Variants in PDE8B observed in about 807,000 individuals in gnomAD.
PDE8B encodes the protein phosphodiesterase 8B, also known as high affinity cAMP-specific and IBMX-insensitive 3',5'-cyclic phosphodiesterase 8B.
Under a neutral mutation model 101.3 loss-of-function variants are expected in PDE8B, and 26 were observed. The ratio of observed to expected loss-of-function variants is 0.26; its 90% CI spans 0.19 to 0.36. The LOEUF (loss-of-function observed/expected upper bound fraction) is 0.36. Ranked by LOEUF, PDE8B falls within the 10% of genes least tolerant of loss-of-function variation. The probability of loss-of-function intolerance (pLI) is 1.00; values close to 1 mark genes in which losing one functional copy is unlikely to be tolerated. For missense variants in PDE8B, 810 were observed against 1,163.1 expected (o/e 0.70, Z 4.42); for synonymous variants, 424 against 429.3 (o/e 0.99, Z 0.15).
chr5:77,305,448 C>A (rs1770980961), intron 1 of PDE8B, among the ~76,000 whole-genome samples: 1 of 152,144 alleles, frequency 6.6e-6, no homozygotes, highest in Non-Finnish European at 1.5e-5. Flanking sequence ...CAGCGCCAGC[C>A]AGCAGGGCCC....
intron 20 of PDE8B, among the ~76,000 whole-genome samples, chr5:77,424,812 T>A (rs565703196): frequency 9.3e-6 from 1 of 107,298 alleles, no homozygotes. Flanking sequence ...ACTGGTTCTG[T>A]TTTTTTGTTT....
chr5:77,145,939 T>G, the PDE8B span: 1 of 152,212 alleles, frequency 6.6e-6, no homozygotes, highest in African/African-American at 2.4e-5. Flanking sequence ...CCTTGAAATC[T>G]AATCAAAGAA....
At chr5:77,094,414 A>G in the PDE8B span, among the ~76,000 whole-genome samples, 34,998 of 151,908 alleles carry the variant, frequency 0.23, 4,623 homozygotes, top group Admixed American at 0.35. Context: ...GGTTCAAGCA[A>G]TCCTCCCACT....
intron 1 of PDE8B, among the ~76,000 whole-genome samples, chr5:77,267,020 G>T (rs1167122893): frequency 6.6e-6 from 1 of 152,140 alleles, no homozygotes; most frequent in Admixed American, 6.5e-5. Context: ...GTTAACAATA[G>T]AATTTGATTC....
At chr5:77,375,985 C>T (rs1786051338) in intron 10 of PDE8B, among the ~76,000 whole-genome samples, 1 of 150,882 alleles carries the variant, frequency 6.6e-6, no homozygotes, top group Admixed American at 6.6e-5. Flanking sequence ...CTCCGCCTCC[C>T]AGGTTCAAGC....
chr5:77,378,942 T>C (rs1786899793), intron 10 of PDE8B, among the ~76,000 whole-genome samples: 1 of 152,256 alleles, frequency 6.6e-6, no homozygotes, highest in Non-Finnish European at 1.5e-5. Flanking sequence ...TGGTGGTTCT[T>C]ACATTGTAGA....
chr5:77,403,499 A>G (rs1043768163), intron 11 of PDE8B, among the ~76,000 whole-genome samples: 1 of 152,178 alleles, frequency 6.6e-6, no homozygotes, highest in Non-Finnish European at 1.5e-5. Context: ...AAGTTTCATT[A>G]GTATTATATT....
At chr5:77,371,370 T>C (rs1785059460) in intron 10 of PDE8B, among the ~76,000 whole-genome samples, 1 of 152,224 alleles carries the variant, frequency 6.6e-6, no homozygotes, top group South Asian at 2.1e-4. Flanking sequence ...AAAGACTTTC[T>C]TTTCTTCATT....
At chr5:77,215,634 T>A (rs1238045564) in intron 1 of PDE8B, among the ~76,000 whole-genome samples, 1 of 152,164 alleles carries the variant, frequency 6.6e-6, no homozygotes, top group Non-Finnish European at 1.5e-5. Context: ...TGAAATCCTG[T>A]TTTGGTGACC....
At chr5:77,250,139 G>C (rs1172967975) in intron 1 of PDE8B, among the ~76,000 whole-genome samples, 4 of 152,196 alleles carry the variant, frequency 2.6e-5, no homozygotes, top group African/African-American at 4.8e-5. Context: ...TTTATTGCAT[G>C]CTTACTCCAT....
intron 10 of PDE8B, among the ~76,000 whole-genome samples, chr5:77,392,126 A>G (rs1790072267): frequency 6.6e-6 from 1 of 152,192 alleles, no homozygotes; most frequent in East Asian, 1.9e-4. Flanking sequence ...TGTTTCCATA[A>G]TTATGTGGAA....
the PDE8B span, among the ~76,000 whole-genome samples, chr5:77,195,316 C>G: frequency 6.6e-6 from 1 of 152,208 alleles, no homozygotes. Context: ...TTAGGCCCCC[C>G]GCCAATACAG....
Position 77,331,473 on chromosome 5 carries a change from A to G in PDE8B, c.708+14A>G. 6.2e-7 allele frequency: 1 copy of G among 1,604,032 alleles called. No homozygotes were observed. Among genetic ancestry groups the G allele is most frequent in the South Asian group, 1.1e-5 (1 of 90,902 alleles). On this transcript the variant is annotated intron_variant, in intron 5 of 21. Coordinates refer to ENST00000264917, the MANE Select transcript of PDE8B (RefSeq NM_003719.5). ...GGCTTCAACAGGGTATGTACAAGAT[A>G]TCCAGCATCTCTCTCAGTTGCAGGC... is the stretch of plus-strand genomic sequence containing the variant.
chr5:77,173,224 T>C, the PDE8B span, among the ~76,000 whole-genome samples: 1 of 152,210 alleles, frequency 6.6e-6, no homozygotes, highest in African/African-American at 2.4e-5. Flanking sequence ...ATCTGACTGC[T>C]GAATATTTTG....
At chr5:77,424,828 TTTTTG>T (rs1797623778) in intron 20 of PDE8B, among the ~76,000 whole-genome samples, 11 of 129,608 alleles carry the variant, frequency 8.5e-5, no homozygotes, top group South Asian at 2.3e-4. Flanking sequence ...TGTTTTTTGT[TTTTTG>T]TTTTTAATGT....
the PDE8B span, chr5:77,105,742 T>C: frequency 6.6e-6 from 1 of 152,234 alleles, no homozygotes. Context: ...TCCAAAGTAA[T>C]AGTAACATTT....
In PDE8B at chr5:77,353,547, T is replaced by G. The variant is rs144461579; in HGVS notation, c.1167+141T>G. On this transcript the variant is annotated intron_variant, in intron 10 of 21. Transcript: ENST00000264917. ...CAATTAAGCAGATTTATGGGAAAATTTGGTTCCTCTGACAAATCTTTTTAT... is the reference window on the plus strand; with the variant it reads ...CAATTAAGCAGATTTATGGGAAAATGTGGTTCCTCTGACAAATCTTTTTAT... 1,519 of 697,220 alleles carry G rather than the reference T, an allele frequency of 2.2e-3. 15 individuals carry two copies. In the African/African-American group the frequency reaches 0.023, roughly 11 times the overall value. 43.2% of individuals were successfully genotyped at this position (697,220 alleles called of 1,614,324 possible).
At chr5:77,270,519 C>T (rs561633791) in intron 1 of PDE8B, among the ~76,000 whole-genome samples, 2 of 152,296 alleles carry the variant, frequency 1.3e-5, no homozygotes, top group Non-Finnish European at 2.9e-5. Flanking sequence ...TCTGCCTCTG[C>T]TTTGTGCCCT....
the PDE8B span, among the ~76,000 whole-genome samples, chr5:77,107,135 A>G: frequency 6.6e-6 from 1 of 151,926 alleles, no homozygotes; most frequent in Non-Finnish European, 1.5e-5. Context: ...CCTACCTATG[A>G]GTAAGAACAT....
Sources: gnomAD v4.1 joint callset for allele counts (sites outside exome capture counted in the v4.1 genomes callset) on GRCh38, gnomAD v4.1.1 for gene constraint, MANE v1.5 for transcripts, NCBI Gene and HGNC (gene_info 2026-07-23, HGNC 2026-07-21) for gene names.